The following SH3BP2 variants were observed in gnomAD, a reference collection of about 807,000 sequenced individuals.
The protein encoded by SH3BP2 is SH3 domain-binding protein 2.
A neutral mutation model predicts 56.2 loss-of-function variants in SH3BP2; 38 were observed. The observed-to-expected ratio is 0.68, with a 90% CI of 0.52 to 0.89. SH3BP2 has a LOEUF of 0.89. Ranked by LOEUF, SH3BP2 falls within the 40% of genes least tolerant of loss-of-function variation. The pLI, the probability that SH3BP2 is intolerant of heterozygous loss-of-function variation, is 0.00. For missense variants in SH3BP2, 748 were observed against 762.6 expected (o/e 0.98, Z 0.23); for synonymous variants, 346 against 316.7 (o/e 1.09, Z -0.98).
intron 2 of SH3BP2, 62 bp from the exon 3 acceptor site, chr4:2,822,873 C>A: frequency 1.5e-6 from 2 of 1,318,172 alleles, no homozygotes; most frequent in South Asian, 1.2e-5. Flanking sequence ...GGAGGGTCCT[C>A]ACAGTGGGTC....
intron 1 of SH3BP2, among the ~76,000 whole-genome samples, chr4:2,808,530 C>G (rs1723625100): frequency 6.6e-6 from 1 of 152,138 alleles, no homozygotes. Flanking sequence ...CCCTCTCCCT[C>G]TATCCCAGTT....
In SH3BP2 at chr4:2,833,885, CA is replaced by C. The variant is rs769563167; in HGVS notation, c.*52del. 7 of 1,520,094 alleles carry C rather than the reference CA, an allele frequency of 4.6e-6. No individual in the cohort carries two copies. Among genetic ancestry groups the C allele is most frequent in the Non-Finnish European group, 6.2e-6 (7 of 1,134,138 alleles). The allele number at this position is 1,520,094 out of a possible 1,614,324, so 94.2% of individuals were successfully genotyped here. A position where few individuals can be genotyped will look rare whatever the true frequency, so the allele number is the denominator to read the frequency against. On this transcript the variant is annotated 3_prime_UTR_variant, in exon 13 of 13. Coordinates refer to ENST00000503393, the MANE Select transcript of SH3BP2 (RefSeq NM_001122681.2). ...AAGGCAGTCACAGGGGCCCTGACCC[CA>C]GGCCACACAGACGGACATGGGCCCA... is the stretch of plus-strand genomic sequence containing the variant.
At chr4:2,817,130 G>A (rs1724033808) in intron 1 of SH3BP2, among the ~76,000 whole-genome samples, 1 of 152,266 alleles carries the variant, frequency 6.6e-6, no homozygotes, top group Admixed American at 6.5e-5. Context: ...GCTGGCGTAA[G>A]AGCACAGAAG....
At position 2,833,978 on chromosome 4, in the gene SH3BP2, C is replaced by A. The variant is rs1198110416; in HGVS notation, c.*144C>A. 2.0e-6 allele frequency: 2 copies of A among 983,734 alleles called. No individual in the cohort carries two copies. The highest frequency in any genetic ancestry group is 2.9e-6 in the Non-Finnish European group (2 of 682,934). The allele number at this position is 983,734 out of a possible 1,614,324, so 60.9% of individuals were successfully genotyped here. Reference sequence around the variant, plus strand: ...CCTCTGTGATGGACATCTCGTAGGACCCAGCCAGTCTCATCCAGCAGGTTG... The same window carrying A: ...CCTCTGTGATGGACATCTCGTAGGAACCAGCCAGTCTCATCCAGCAGGTTG... On this transcript the variant is annotated 3_prime_UTR_variant, in exon 13 of 13. Coordinates refer to ENST00000503393, the MANE Select transcript of SH3BP2 (RefSeq NM_001122681.2).
chr4:2,800,661 G>A (rs907863896), intron 1 of SH3BP2, among the ~76,000 whole-genome samples: 2 of 152,126 alleles, frequency 1.3e-5, no homozygotes, highest in African/African-American at 4.8e-5. Flanking sequence ...GCAGGCAGGA[G>A]AGCTCAGGCC....
intron 1 of SH3BP2, chr4:2,799,133 G>A: frequency 1.0e-6 from 1 of 985,766 alleles, no homozygotes; most frequent in Non-Finnish European, 1.2e-6. Flanking sequence ...CTTCGTTCCT[G>A]CTGTACCCCT....
rs769753956 is a variant in SH3BP2 at position 2,827,274 on chromosome 4, G to A, written c.473G>A (p.Arg158Gln). Residue 158 changes from arginine to glutamine, a missense_variant, in exon 6 of 13, where the codon CGG (arginine) becomes CAG (glutamine). Arg to Gln is a conservative substitution (Grantham distance 43). This residue lies in a region of SH3BP2 where 635 missense variants were observed against 615.0 expected (regional missense o/e 1.03). Coordinates refer to ENST00000503393, the MANE Select transcript of SH3BP2 (RefSeq NM_001122681.2). ...DTDSFYGAVERPVDISLSPYP... is the reference protein window; with the variant it reads ...DTDSFYGAVEQPVDISLSPYP... ...GACAGCTTCTACGGCGCAGTTGAGC[G>A]GCCTGTGGATATCAGCCTTTCCCCG... 11 of 1,614,062 alleles carry A rather than the reference G, an allele frequency of 6.8e-6. No individual in the cohort carries two copies. Among genetic ancestry groups the A allele is most frequent in the Admixed American group, 3.3e-5 (2 of 60,012 alleles).
chr4:2,829,567 C>G lies in SH3BP2; in HGVS notation c.661C>G (p.Pro221Ala), dbSNP rs547633775. ...CAGGAAGCCAGCCTTCTCTGACATG[C>G]CCCGGGCCCACTCCTTTACCTCCAA... ...TPRKPAFSDMPRAHSFTSKGP... is the reference protein window; with the variant it reads ...TPRKPAFSDMARAHSFTSKGP... Residue 221 changes from proline to alanine, a missense_variant, in exon 8 of 13, where the codon CCC becomes GCC. Around this residue, in one of 3 missense-constraint regions of SH3BP2, gnomAD observed 635 missense variants for 615.0 expected, o/e 1.03. Coordinates refer to ENST00000503393, the MANE Select transcript of SH3BP2 (RefSeq NM_001122681.2). This position sits in a 1 kb window ranked among gnomAD's most constrained non-coding sequence, Gnocchi z 4.9. The G allele has an allele frequency of 1.9e-6, 3 of 1,613,306 alleles. No individual in the cohort carries two copies. The highest frequency in any genetic ancestry group is 2.7e-5 in the African/African-American group (2 of 74,982).
At position 2,832,025 on chromosome 4, in the gene SH3BP2, T is replaced by C. The variant is rs373379808; in HGVS notation, c.1406+47T>C. On this transcript the variant is annotated intron_variant, in intron 10 of 12. Transcript: ENST00000503393. ...TGCTGGGTCCTCCGCCATGCCCGGCTTCCTGCTTCTGTGTCCCTCTCACTA... is the reference window on the plus strand; with the variant it reads ...TGCTGGGTCCTCCGCCATGCCCGGCCTCCTGCTTCTGTGTCCCTCTCACTA... 54 of 1,589,422 alleles carry C rather than the reference T, an allele frequency of 3.4e-5. 1 individual carries two copies. Among genetic ancestry groups the C allele is most frequent in the East Asian group, 1.3e-4 (6 of 44,730 alleles).
intron 5 of SH3BP2, 72 bp downstream of exon 5, chr4:2,825,268 C>A: frequency 8.0e-7 from 1 of 1,253,122 alleles, no homozygotes; most frequent in East Asian, 2.5e-5. Flanking sequence ...GGGTGTCCGC[C>A]TCCCAGCCCC....
chr4:2,834,003 G>C lies in SH3BP2; in HGVS notation c.*169G>C. ...CCCAGCCAGTCTCATCCAGCAGGTT[G>C]GGTTCTAGGGCTGAACCAGGCGCCA... On this transcript the variant is annotated 3_prime_UTR_variant, in exon 13 of 13. Transcript: ENST00000503393. The C allele has an allele frequency of 1.2e-6, 1 of 813,454 alleles. No homozygotes were observed. The highest frequency in any genetic ancestry group is 1.9e-6 in the Non-Finnish European group (1 of 530,310). The allele number at this position is 813,454 out of a possible 1,614,324, so 50.4% of individuals were successfully genotyped here.
At position 2,829,403 on chromosome 4, in the gene SH3BP2, C is replaced by G; in HGVS notation, c.587-90C>G. 3 of 1,435,126 alleles carry G rather than the reference C, an allele frequency of 2.1e-6. No homozygotes were observed. The highest frequency in any genetic ancestry group is 2.9e-6 in the Non-Finnish European group (3 of 1,019,132). The allele number at this position is 1,435,126 out of a possible 1,614,324, so 88.9% of individuals were successfully genotyped here. ...TGGGGTGGGCCTACCATGGGTTGCA[C>G]TCCTGGTTGGCCTGGCTGACCACTG... is the stretch of plus-strand genomic sequence containing the variant. On this transcript the variant is annotated intron_variant, in intron 7 of 12. Coordinates refer to ENST00000503393, the MANE Select transcript of SH3BP2 (RefSeq NM_001122681.2). The surrounding 1 kb of genome is among the most constrained non-coding windows in gnomAD (Gnocchi z 4.9).
At chr4:2,833,441 G>A (rs1725107327) in intron 12 of SH3BP2, 7 of 599,158 alleles carry the variant, frequency 1.2e-5, no homozygotes, top group Non-Finnish European at 2.1e-5. Flanking sequence ...GCCTGGCCTA[G>A]GTTCATTTCC....
intron 1 of SH3BP2, among the ~76,000 whole-genome samples, chr4:2,814,514 A>G (rs1723907506): frequency 2.0e-5 from 3 of 150,638 alleles, no homozygotes; most frequent in East Asian, 1.9e-4. Flanking sequence ...ACACACACAC[A>G]CGCACACACG....
At chr4:2,799,965 G>C (rs1326103752) in intron 1 of SH3BP2, among the ~76,000 whole-genome samples, 3 of 152,026 alleles carry the variant, frequency 2.0e-5, no homozygotes, top group Non-Finnish European at 4.4e-5. Flanking sequence ...CTTACTCTGG[G>C]GTCTGGAGAC....
chr4:2,829,769 C>T lies in SH3BP2; in HGVS notation c.863C>T (p.Ala288Val). 6.2e-7 allele frequency: 1 copy of T among 1,613,178 alleles called. No individual in the cohort carries two copies. Among genetic ancestry groups the T allele is most frequent in the Non-Finnish European group, 8.5e-7 (1 of 1,179,950 alleles). ...SDPPLSTMPT[A>V]PGLRKPPCFR... ...CCCCCTCTGAGCACCATGCCCACCG[C>T]ACCCGGCCTCCGGAAACCCCCTTGC... The change falls in exon 8 of 13, where the codon GCA (alanine) becomes GTA (valine). Residue 288 changes from alanine (A) to valine (V), a missense_variant. Around this residue, in one of 3 missense-constraint regions of SH3BP2, gnomAD observed 635 missense variants for 615.0 expected, o/e 1.03. Transcript: ENST00000503393. The surrounding 1 kb of genome is among the most constrained non-coding windows in gnomAD (Gnocchi z 4.9).
chr4:2,832,461 C>T, intron 11 of SH3BP2, 49 bp downstream of exon 11: 2 of 1,457,348 alleles, frequency 1.4e-6, no homozygotes, highest in Non-Finnish European at 1.9e-6. Flanking sequence ...TCTCCACACA[C>T]CCAGGCTGTG....
At chr4:2,793,251 C>T (rs1283225442) in intron 1 of SH3BP2, 113 bp downstream of exon 1, 2 of 77,942 alleles carry the variant, frequency 2.6e-5, no homozygotes, top group Non-Finnish European at 5.1e-5. Flanking sequence ...CGGCGGGTCT[C>T]GGGGGTCTCG....
In SH3BP2 at chr4:2,823,034, A is replaced by G. The variant is rs1316300007; in HGVS notation, c.236A>G (p.Asn79Ser). ...GGCGCCTTCTCCCTGAGTGGCTATAACCGGTAAGTGCCCGACCTGCCTGCT... is the reference window on the plus strand; with the variant it reads ...GGCGCCTTCTCCCTGAGTGGCTATAGCCGGTAAGTGCCCGACCTGCCTGCT... ...PQGAFSLSGYNRVMRAAEETT... is the reference protein window; with the variant it reads ...PQGAFSLSGYSRVMRAAEETT... The change falls in exon 3 of 13, where the codon AAC (asparagine) becomes AGC (serine). Residue 79 changes from asparagine (N) to serine (S), a missense_variant. By Grantham distance (46) the Asn-to-Ser change is conservative. Coordinates refer to ENST00000503393, the MANE Select transcript of SH3BP2 (RefSeq NM_001122681.2). 6.2e-7 allele frequency: 1 copy of G among 1,611,898 alleles called. No individual in the cohort carries two copies. Among genetic ancestry groups the G allele is most frequent in the African/African-American group, 1.3e-5 (1 of 74,848 alleles).
Sources: allele counts gnomAD v4.1 joint callset (sites outside exome capture counted in the v4.1 genomes callset), GRCh38; gene constraint gnomAD v4.1.1; regional missense constraint gnomAD v4.1.1; non-coding constraint Gnocchi (gnomAD v3.1); transcripts MANE v1.5; gene names NCBI Gene and HGNC (gene_info 2026-07-23, HGNC 2026-07-21).